The following MVB12B variants were observed in gnomAD, a reference collection of about 807,000 sequenced individuals.
MVB12B encodes the protein ESCRT-I complex subunit MVB12B.
MVB12B carries 16 observed loss-of-function variants against 41.6 expected under a neutral mutation model. The ratio of observed to expected loss-of-function variants is 0.38; its 90% CI spans 0.26 to 0.58. The LOEUF (loss-of-function observed/expected upper bound fraction) is 0.58. Among genes scored for constraint, MVB12B ranks in the 20% least tolerant of loss-of-function variants. The pLI, the probability that MVB12B is intolerant of heterozygous loss-of-function variation, is 0.62. For synonymous variants in MVB12B, 133 were observed against 139.7 expected, an observed-to-expected ratio of 0.95 and a Z score of 0.34; for missense variants, 274 against 380.2, an observed-to-expected ratio of 0.72 and a Z score of 2.32.
intron 6 of MVB12B, among the ~76,000 whole-genome samples, chr9:126,421,577 G>A (rs1464826474): frequency 6.6e-6 from 1 of 152,180 alleles, no homozygotes; most frequent in Admixed American, 6.5e-5. Context: ...AGTCCCTTGG[G>A]CCCGCTGTAA....
intron 7 of MVB12B, among the ~76,000 whole-genome samples, chr9:126,435,899 G>A (rs369006987): frequency 2.4e-4 from 37 of 152,210 alleles, no homozygotes; most frequent in Admixed American, 1.0e-3. Context: ...CTGTAGATGC[G>A]GGGGGACTGC....
intron 2 of MVB12B, among the ~76,000 whole-genome samples, chr9:126,348,217 C>T (rs750580767): frequency 6.6e-5 from 10 of 152,186 alleles, no homozygotes; most frequent in South Asian, 4.1e-4. Flanking sequence ...TACTGAAATG[C>T]GGAAAGTGGT....
intron 6 of MVB12B, among the ~76,000 whole-genome samples, chr9:126,400,118 G>A (rs770927219): frequency 2.0e-5 from 3 of 152,232 alleles, no homozygotes; most frequent in Non-Finnish European, 4.4e-5. Context: ...CCACCAGGCA[G>A]AGGTTACCCA....
intron 9 of MVB12B, among the ~76,000 whole-genome samples, chr9:126,496,853 T>C (rs1833846581): frequency 6.6e-6 from 1 of 151,918 alleles, no homozygotes; most frequent in African/African-American, 2.4e-5. Context: ...TAGGGTGCCC[T>C]GAAGGTGAGG....
intron 6 of MVB12B, among the ~76,000 whole-genome samples, chr9:126,409,123 G>T (rs910121983): frequency 1.4e-5 from 2 of 142,718 alleles, no homozygotes; most frequent in African/African-American, 3.1e-5. Context: ...TGTGGGGGGG[G>T]GCTCAGTAAT....
Position 126,406,071 on chromosome 9 carries a change from G to C in MVB12B, c.662+10374G>C, listed in dbSNP as rs11999002. On this transcript the variant is annotated intron_variant, in intron 6 of 9. Transcript: ENST00000361171. ...GGGGGGTTTTTTTTTTTGAGACGAA[G>C]TCTTGCTCTGTCACCCAGGCTGGCG... 3.6e-3 allele frequency among the ~76,000 whole-genome samples: 543 copies of C among 150,834 alleles called. 2 individuals carry two copies. Among genetic ancestry groups the C allele is most frequent in the African/African-American group, 0.013 (523 of 41,176 alleles).
chr9:126,394,766 G>A (rs1312373564), intron 5 of MVB12B, among the ~76,000 whole-genome samples: 2 of 152,190 alleles, frequency 1.3e-5, no homozygotes, highest in Non-Finnish European at 2.9e-5. Flanking sequence ...AAGCTTATTA[G>A]GGGTTCCCAC....
At chr9:126,334,140 G>A (rs893977994) in intron 1 of MVB12B, among the ~76,000 whole-genome samples, 1 of 152,276 alleles carries the variant, frequency 6.6e-6, no homozygotes, top group East Asian at 1.9e-4. Context: ...CATTACTGTA[G>A]CCTCAGTGCT....
chr9:126,476,095 G>T (rs1417675255), intron 7 of MVB12B, among the ~76,000 whole-genome samples: 1 of 152,234 alleles, frequency 6.6e-6, no homozygotes, highest in African/African-American at 2.4e-5. Flanking sequence ...TCAAAGTCCT[G>T]AGGGCCCCCC....
At chr9:126,351,924 C>A (rs1829760153) in intron 2 of MVB12B, among the ~76,000 whole-genome samples, 1 of 152,064 alleles carries the variant, frequency 6.6e-6, no homozygotes, top group Non-Finnish European at 1.5e-5. Context: ...TTGTCAGATG[C>A]CTTTCCTGTA....
At chr9:126,472,099 G>A (rs748057597) in intron 7 of MVB12B, among the ~76,000 whole-genome samples, 6 of 152,078 alleles carry the variant, frequency 3.9e-5, no homozygotes, top group Non-Finnish European at 8.8e-5. Flanking sequence ...AGACGTTGGG[G>A]AGGGATAAGG....
In MVB12B at chr9:126,333,229, G is replaced by C. The variant is rs1829176602; in HGVS notation, c.81+6219G>C. 6.6e-6 allele frequency among the ~76,000 whole-genome samples: 1 copy of C among 152,106 alleles called. No homozygotes were observed. Among genetic ancestry groups the C allele is most frequent in the Admixed American group, 6.6e-5 (1 of 15,264 alleles). On this transcript the variant is annotated intron_variant, in intron 1 of 9. Coordinates refer to ENST00000361171, the MANE Select transcript of MVB12B (RefSeq NM_033446.3). This position sits in a 1 kb window ranked among gnomAD's most constrained non-coding sequence, Gnocchi z 4.7. Reference sequence around the variant, plus strand: ...AGCCTCCCGAGTAGGTGGGACTACAGGTGCGTGCCACCATGCCTGGCTAAT... The same window carrying C: ...AGCCTCCCGAGTAGGTGGGACTACACGTGCGTGCCACCATGCCTGGCTAAT...
intron 7 of MVB12B, among the ~76,000 whole-genome samples, chr9:126,442,082 A>C (rs913536860): frequency 6.6e-6 from 1 of 152,188 alleles, no homozygotes; most frequent in Non-Finnish European, 1.5e-5. Context: ...ATGCTTCCCT[A>C]TATCCCTTGA....
chr9:126,357,044 A>G (rs530826330), intron 2 of MVB12B, among the ~76,000 whole-genome samples: 8 of 151,790 alleles, frequency 5.3e-5, no homozygotes, highest in East Asian at 1.9e-4. Context: ...CACTCCCCCA[A>G]CCCCACTTCT....
chr9:126,403,857 C>A (rs377755200), intron 6 of MVB12B, among the ~76,000 whole-genome samples: 7 of 152,052 alleles, frequency 4.6e-5, no homozygotes, highest in African/African-American at 1.7e-4. Context: ...TATGCATCGC[C>A]CTTCCATCCG....
chr9:126,343,399 G>A (rs1829502157), intron 2 of MVB12B, among the ~76,000 whole-genome samples: 1 of 152,200 alleles, frequency 6.6e-6, no homozygotes, highest in Admixed American at 6.5e-5. Flanking sequence ...AGTGCATGCT[G>A]TTTTATCCTG....
chr9:126,488,360 AAAAAAT>A (rs759267422), intron 9 of MVB12B, among the ~76,000 whole-genome samples: 29 of 135,556 alleles, frequency 2.1e-4, no homozygotes, highest in East Asian at 6.7e-4. Context: ...AAAAAAAAAA[AAAAAAT>A]AGAGTAAATA....
chr9:126,479,779 T>G (rs1011425674), intron 7 of MVB12B, among the ~76,000 whole-genome samples: 4 of 152,216 alleles, frequency 2.6e-5, no homozygotes, highest in African/African-American at 9.6e-5. Context: ...TGCTGTGTCT[T>G]TTTCTTCATG....
intron 1 of MVB12B, among the ~76,000 whole-genome samples, chr9:126,338,748 C>T (rs761183932): frequency 2.0e-5 from 3 of 152,162 alleles, no homozygotes; most frequent in Non-Finnish European, 4.4e-5. Flanking sequence ...TTTCATGTTA[C>T]CAATACTACG....
Sources: gnomAD v4.1 joint callset for allele counts (sites outside exome capture counted in the v4.1 genomes callset) on GRCh38, gnomAD v4.1.1 for gene constraint, Gnocchi (gnomAD v3.1) non-coding constraint, MANE v1.5 for transcripts, NCBI Gene and HGNC (gene_info 2026-07-23, HGNC 2026-07-21) for gene names.